The following REEP5 variants were observed in gnomAD, a reference collection of about 807,000 sequenced individuals.
The protein encoded by REEP5 is receptor expression-enhancing protein 5.
Under a neutral mutation model 22.4 loss-of-function variants are expected in REEP5, and 24 were observed. The ratio of observed to expected loss-of-function variants is 1.07; its 90% CI spans 0.78 to 1.51. The LOEUF (loss-of-function observed/expected upper bound fraction) is 1.51, where lower values mean the gene tolerates loss of function less well. Ranked by LOEUF, REEP5 falls within the 40% of genes most tolerant of loss-of-function variation. The probability of loss-of-function intolerance (pLI) is 0.00; values close to 1 mark genes in which losing one functional copy is unlikely to be tolerated. For synonymous variants in REEP5, 103 were observed against 88.6 expected (o/e 1.16, Z -0.92); for missense variants, 252 against 233.0 (o/e 1.08, Z -0.53).
intron 3 of REEP5, among the ~76,000 whole-genome samples, chr5:112,889,232 T>C (rs1443200633): frequency 6.7e-6 from 1 of 148,418 alleles, no homozygotes; most frequent in East Asian, 2.0e-4. Flanking sequence ...CAAGAGCTCA[T>C]CTCAAAAACA....
rs1285110102 is a variant in REEP5, at chr5:112,887,088, C to T, written c.447G>A (p.Glu149=). 1.2e-6 allele frequency: 2 copies of T among 1,613,652 alleles called. No homozygotes were observed. The highest frequency in any genetic ancestry group is 2.7e-5 in the African/African-American group (2 of 74,902). The change falls in exon 4 of 5, where the codon GAG becomes GAA. Residue 149 remains glutamate, a synonymous_variant. Coordinates refer to ENST00000379638, the MANE Select transcript of REEP5 (RefSeq NM_005669.5). ...CCTTGACCACACTGTCCATCTGGGACTCGTGCTTCAGGAAGAAAGGACGGA... is the reference window on the plus strand; with the variant it reads ...CCTTGACCACACTGTCCATCTGGGATTCGTGCTTCAGGAAGAAAGGACGGA... The part of the protein sequence containing the change: ...RIIRPFFLKH[E]SQMDSVVKDL...
At chr5:112,901,693 C>A (rs546114902) in intron 3 of REEP5, among the ~76,000 whole-genome samples, 6 of 150,178 alleles carry the variant, frequency 4.0e-5, no homozygotes, top group Non-Finnish European at 8.9e-5. Context: ...GCCTGGGCAA[C>A]AGACCAAGAG....
chr5:112,885,972 T>C (rs755062762), intron 4 of REEP5, among the ~76,000 whole-genome samples: 3 of 152,218 alleles, frequency 2.0e-5, no homozygotes, highest in African/African-American at 4.8e-5. Context: ...TCCTGTCTAC[T>C]GGATGTTTAC....
At chr5:112,919,412 G>T (rs944343171) in intron 2 of REEP5, among the ~76,000 whole-genome samples, 1 of 151,814 alleles carries the variant, frequency 6.6e-6, no homozygotes, top group Admixed American at 6.6e-5. Context: ...CTCAGGCGTG[G>T]TGGCACACGC....
chr5:112,893,094 T>TTAAAAAAA (rs781185558), intron 3 of REEP5: 64 of 501,442 alleles, frequency 1.3e-4, no homozygotes, highest in African/African-American at 9.1e-4. Flanking sequence ...GTTTTGTTCT[T>TTAAAAAAA]AAAAAAAAAA....
chr5:112,905,735 C>T (rs1768944562), intron 2 of REEP5, among the ~76,000 whole-genome samples: 1 of 152,008 alleles, frequency 6.6e-6, no homozygotes, highest in South Asian at 2.1e-4. Flanking sequence ...ATCCTCCCAC[C>T]TCAGCCTCTC....
chr5:112,905,774 T>C (rs2150045311), intron 2 of REEP5, among the ~76,000 whole-genome samples: 1 of 151,978 alleles, frequency 6.6e-6, no homozygotes, highest in East Asian at 2.0e-4. Flanking sequence ...GTTCACATCA[T>C]CATGCTTGGC....
In REEP5 at chr5:112,920,431, C is replaced by G. The variant is rs146859522; in HGVS notation, c.212+732G>C. Among the ~76,000 whole-genome samples the G allele has an allele frequency of 7.6e-4, 115 of 152,108 alleles. 1 individual carries two copies. The highest frequency in any genetic ancestry group is 5.1e-3 in the Admixed American group (78 of 15,288). On this transcript the variant is annotated intron_variant, in intron 2 of 4. Coordinates refer to ENST00000379638, the MANE Select transcript of REEP5 (RefSeq NM_005669.5). ...CTGTAGAGCAAAACAAAATTCATTT[C>G]TGGAGAGGAATAATTCCTACTTGAA...
At position 112,913,414 on chromosome 5, in the gene REEP5, G is replaced by A. The variant is rs143396964; in HGVS notation, c.212+7749C>T. 3.9e-3 allele frequency among the ~76,000 whole-genome samples: 590 copies of A among 150,858 alleles called. 1 individual carries two copies. The highest frequency in any genetic ancestry group is 0.014 in the African/African-American group (569 of 41,136). ...AAGAGAAAGAAAGAAAAAAAGAAAA[G>A]AAAAGAAAAAAGATTACAGAGGCAG... is the stretch of plus-strand genomic sequence containing the variant. On this transcript the variant is annotated intron_variant, in intron 2 of 4. Transcript: ENST00000379638.
At position 112,877,691 on chromosome 5, in the gene REEP5, A is replaced by ATTCT. The variant is rs1193890615; in HGVS notation, c.*1091_*1094dup. 6.6e-6 allele frequency: 1 copy of ATTCT among 152,128 alleles called. No homozygotes were observed. The highest frequency in any genetic ancestry group is 6.6e-5 in the Admixed American group (1 of 15,264). 9.4% of individuals were successfully genotyped at this position (152,128 alleles called of 1,614,324 possible). ...TATGGGTTACTTTATACTTCCTTTC[A>ATTCT]TTCTCCCAGAATTGCTCTTAGAGCT... On this transcript the variant is annotated 3_prime_UTR_variant, in exon 5 of 5. Coordinates refer to ENST00000379638, the MANE Select transcript of REEP5 (RefSeq NM_005669.5).
intron 4 of REEP5, among the ~76,000 whole-genome samples, chr5:112,879,863 G>A (rs1212035274): frequency 6.6e-6 from 1 of 152,036 alleles, no homozygotes. Flanking sequence ...AAGATCGCTT[G>A]AAGCCAGGAA....
At chr5:112,921,039 C>T in intron 2 of REEP5, 124 bp downstream of exon 2, 2 of 907,678 alleles carry the variant, frequency 2.2e-6, no homozygotes, top group South Asian at 3.2e-5. Flanking sequence ...TTATGTCCAA[C>T]CTCATCCCTC....
chr5:112,892,997 A>G, intron 3 of REEP5: 1 of 1,578,382 alleles, frequency 6.3e-7, no homozygotes, highest in Admixed American at 1.7e-5. Flanking sequence ...AGCCGGAGCC[A>G]AAGTTCCTCT....
rs563150812 is a variant in REEP5, at chr5:112,921,887, C to T, written c.118+186G>A. 1.7e-3 allele frequency: 1,097 copies of T among 644,892 alleles called. 17 individuals are homozygous for T. In the African/African-American group the frequency reaches 0.02, roughly 11 times the overall value. 39.9% of individuals were successfully genotyped at this position (644,892 alleles called of 1,614,324 possible). On this transcript the variant is annotated intron_variant, in intron 1 of 4. Transcript: ENST00000379638. ...CCAGCCCCGCGACCCTCAGCCTGGG[C>T]AGCCCCCGCGGGGTCCTCCGATGCC...
rs548366726 is a variant in REEP5, at chr5:112,891,443, C to CA, written c.352-4261dup. The stretch of plus-strand genomic sequence containing the variant: ...TTCAAATTTATGATATACTTAATTA[C>CA]AAAAAAAGTCTAACTGCAATATAAA... On this transcript the variant is annotated intron_variant, in intron 3 of 4. Transcript: ENST00000379638. Among the ~76,000 whole-genome samples, 201 of 151,688 alleles carry CA rather than the reference C, an allele frequency of 1.3e-3. 4 individuals are homozygous for CA. Among genetic ancestry groups the CA allele is most frequent in the African/African-American group, 4.7e-3 (196 of 41,308 alleles).
intron 3 of REEP5, chr5:112,892,444 C>G: frequency 2.5e-6 from 4 of 1,614,086 alleles, no homozygotes; most frequent in Non-Finnish European, 3.4e-6. Context: ...CAATTTGGAA[C>G]CTCACCTGAG....
intron 3 of REEP5, chr5:112,892,679 C>T (rs774876309): frequency 6.2e-7 from 1 of 1,613,906 alleles, no homozygotes; most frequent in African/African-American, 1.3e-5. Context: ...TTCTGGGAAG[C>T]TAATAGAGAC....
chr5:112,911,974 A>T (rs1769113732), intron 2 of REEP5, among the ~76,000 whole-genome samples: 1 of 152,198 alleles, frequency 6.6e-6, no homozygotes, highest in African/African-American at 2.4e-5. Flanking sequence ...AAATCAATGA[A>T]AAGCTTAATG....
intron 2 of REEP5, among the ~76,000 whole-genome samples, chr5:112,906,417 T>C (rs1319805759): frequency 2.0e-5 from 3 of 152,200 alleles, no homozygotes. Context: ...CGGTACAAAG[T>C]AGGCATTTAA....
Sources: gnomAD v4.1 joint callset for allele counts (sites outside exome capture counted in the v4.1 genomes callset) on GRCh38, gnomAD v4.1.1 for gene constraint, MANE v1.5 for transcripts, NCBI Gene and HGNC (gene_info 2026-07-23, HGNC 2026-07-21) for gene names.